Variants in ZNF420 observed in about 807,000 individuals in gnomAD.
The protein encoded by ZNF420 is ATM and p53-associated KZNF protein.
In ZNF420, 31 loss-of-function variants were observed where a neutral mutation model predicts 44.7. The observed-to-expected ratio is 0.69, with a 90% CI of 0.52 to 0.94. The LOEUF (loss-of-function observed/expected upper bound fraction) is 0.94, where lower values mean the gene tolerates loss of function less well. Ranked by LOEUF, ZNF420 falls within the 40% of genes least tolerant of loss-of-function variation. The pLI is 0.00. For missense variants in ZNF420, 681 were observed against 827.9 expected (o/e 0.82, Z 2.18); for synonymous variants, 245 against 267.4 (o/e 0.92, Z 0.82).
chr19:37,052,501 G>A (rs546792903), intron 1 of ZNF420, among the ~76,000 whole-genome samples: 360 of 152,200 alleles, frequency 2.4e-3, no homozygotes, highest in Non-Finnish European at 3.8e-3. Context: ...GGCTGGTACC[G>A]GTTGCTCCTT....
chr19:37,120,653 T>G (rs12974880), intron 4 of ZNF420, among the ~76,000 whole-genome samples: 78,791 of 151,030 alleles, frequency 0.52, 21,311 homozygotes, highest in African/African-American at 0.63. Flanking sequence ...GAAATAAAGG[T>G]TATTCAATTA....
intron 4 of ZNF420, among the ~76,000 whole-genome samples, chr19:37,100,439 G>A (rs7255103): frequency 0.024 from 3,675 of 152,146 alleles, 159 homozygotes; most frequent in African/African-American, 0.083. Context: ...GCGGCCTGGC[G>A]CAGTGGCTCA....
At chr19:37,099,261 A>G (rs372572154) in intron 4 of ZNF420, among the ~76,000 whole-genome samples, 8 of 151,966 alleles carry the variant, frequency 5.3e-5, no homozygotes, top group Non-Finnish European at 1.2e-4. Context: ...CCTCCATACT[A>G]TTTTCCATAA....
chr19:37,081,746 A>G (rs931659762), intron 2 of ZNF420, among the ~76,000 whole-genome samples: 1 of 125,554 alleles, frequency 8.0e-6, no homozygotes, highest in Non-Finnish European at 1.6e-5. Flanking sequence ...GGGTTTCACC[A>G]TATTGGCCAG....
chr19:37,104,976 T>C (rs10422428), intron 4 of ZNF420, among the ~76,000 whole-genome samples: 23,361 of 152,182 alleles, frequency 0.15, 1,854 homozygotes, highest in Middle Eastern at 0.22. Flanking sequence ...GTAGTTTCTT[T>C]TGCTGTGCAG....
chr19:37,088,351 AT>A (rs1277024610), intron 2 of ZNF420, among the ~76,000 whole-genome samples: 1 of 152,160 alleles, frequency 6.6e-6, no homozygotes, highest in Admixed American at 6.5e-5. Flanking sequence ...CTTTCCTATT[AT>A]TGGATGGTTT....
intron 1 of ZNF420, among the ~76,000 whole-genome samples, chr19:37,045,691 A>G (rs953021536): frequency 2.0e-5 from 3 of 152,222 alleles, no homozygotes; most frequent in Non-Finnish European, 4.4e-5. Context: ...TGCACATCAC[A>G]TAGAATTGCA....
At chr19:37,049,738 A>G (rs1967605776) in intron 1 of ZNF420, among the ~76,000 whole-genome samples, 1 of 152,136 alleles carries the variant, frequency 6.6e-6, no homozygotes, top group Non-Finnish European at 1.5e-5. Context: ...CCATTTGTCA[A>G]TTTTGGCTTT....
rs1971541541 is a variant in ZNF420, at chr19:37,129,399, A to G, written c.*341A>G. On this transcript the variant is annotated 3_prime_UTR_variant, in exon 5 of 5. Transcript: ENST00000337995. ...CCTCTACCTTGGTTTAATCATTTTAAGATAGACCTAAGTATATTACCTTTA... is the reference window on the plus strand; with the variant it reads ...CCTCTACCTTGGTTTAATCATTTTAGGATAGACCTAAGTATATTACCTTTA... 1 of 233,172 alleles carries G rather than the reference A, an allele frequency of 4.3e-6. No individual in the cohort carries two copies. The highest frequency in any genetic ancestry group is 8.4e-6 in the Non-Finnish European group (1 of 119,052). 14.4% of individuals were successfully genotyped at this position (233,172 alleles called of 1,614,324 possible).
chr19:37,066,559 A>G (rs955199977), intron 1 of ZNF420, among the ~76,000 whole-genome samples: 1 of 152,238 alleles, frequency 6.6e-6, no homozygotes, highest in Non-Finnish European at 1.5e-5. Flanking sequence ...ATAAAAAGTG[A>G]TCAACATCAT....
At chr19:37,108,384 T>C (rs1308533619) in intron 4 of ZNF420, 2 of 152,194 alleles carry the variant, frequency 1.3e-5, no homozygotes, top group Non-Finnish European at 2.9e-5. Flanking sequence ...CAGAATACGG[T>C]GCTGCCAATT....
At chr19:37,037,566 A>G (rs1457226148) in intron 1 of ZNF420, among the ~76,000 whole-genome samples, 8 of 152,232 alleles carry the variant, frequency 5.3e-5, no homozygotes, top group Non-Finnish European at 1.2e-4. Flanking sequence ...TTGCAGGTTA[A>G]CAGCCTCAGG....
chr19:37,129,941 G>GA lies in ZNF420; in HGVS notation c.*888dup. On this transcript the variant is annotated 3_prime_UTR_variant, in exon 5 of 5. Coordinates refer to ENST00000337995, the MANE Select transcript of ZNF420 (RefSeq NM_144689.5). The stretch of plus-strand genomic sequence containing the variant: ...CTGATATTACAGACTATTTTGCAAT[G>GA]AAAAATGATGAGAGTTTGTGATACA... 7.2e-7 allele frequency: 1 copy of GA among 1,388,028 alleles called. No homozygotes were observed. The highest frequency in any genetic ancestry group is 9.4e-7 in the Non-Finnish European group (1 of 1,063,986). 86.0% of individuals were successfully genotyped at this position (1,388,028 alleles called of 1,614,324 possible).
chr19:37,104,079 C>G (rs1397603296), intron 4 of ZNF420, among the ~76,000 whole-genome samples: 1 of 151,614 alleles, frequency 6.6e-6, no homozygotes. Flanking sequence ...GTACTGCACC[C>G]ATTAACTCGT....
chr19:37,035,982 A>C (rs1967347603), intron 1 of ZNF420, among the ~76,000 whole-genome samples: 1 of 152,162 alleles, frequency 6.6e-6, no homozygotes, highest in African/African-American at 2.4e-5. Context: ...TAATTTCTGC[A>C]GTCCCCACTC....
intron 2 of ZNF420, among the ~76,000 whole-genome samples, chr19:37,082,366 T>C (rs1428433542): frequency 6.6e-6 from 1 of 152,186 alleles, no homozygotes; most frequent in Non-Finnish European, 1.5e-5. Flanking sequence ...GGTTTTGCCA[T>C]GTTGGCCAGG....
At chr19:37,046,813 T>G (rs1295949720) in intron 1 of ZNF420, among the ~76,000 whole-genome samples, 1 of 152,090 alleles carries the variant, frequency 6.6e-6, no homozygotes, top group African/African-American at 2.4e-5. Flanking sequence ...TTTGTGCACT[T>G]TAAGCCATTT....
In ZNF420 at chr19:37,096,827, T is replaced by A. The variant is rs187866640; in HGVS notation, c.136+5706T>A. ...CCATTTACATATTAACAATATTGAA[T>A]CCTTTTATTGTTCAGCATGCTAAAT... On this transcript the variant is annotated intron_variant, in intron 4 of 4. Coordinates refer to ENST00000337995, the MANE Select transcript of ZNF420 (RefSeq NM_144689.5). 1.5e-4 allele frequency among the ~76,000 whole-genome samples: 23 copies of A among 152,304 alleles called. No homozygotes were observed. The East Asian group carries it at 4.4e-3, about 29-fold the overall frequency.
At chr19:37,033,293 A>G (rs911460802) in intron 1 of ZNF420, among the ~76,000 whole-genome samples, 1 of 152,140 alleles carries the variant, frequency 6.6e-6, no homozygotes, top group African/African-American at 2.4e-5. Flanking sequence ...CACACTTTCC[A>G]TCATCTCTAG....
Sources: gnomAD v4.1 joint callset for allele counts (sites outside exome capture counted in the v4.1 genomes callset) on GRCh38, gnomAD v4.1.1 for gene constraint, MANE v1.5 for transcripts, NCBI Gene and HGNC (gene_info 2026-07-23, HGNC 2026-07-21) for gene names.